CCNK: variants seen among roughly 807,000 people sequenced by gnomAD.
The protein encoded by CCNK is cyclin K.
In CCNK, 9 loss-of-function variants were observed where a neutral mutation model predicts 65.0. That is an observed-to-expected ratio of 0.14 (90% CI 0.08 to 0.24). The LOEUF is 0.24. CCNK is among the 10% of genes least tolerant of loss of function. The pLI is 1.00. For missense variants in CCNK, 474 were observed against 720.0 expected, an observed-to-expected ratio of 0.66 and a Z score of 3.91; for synonymous variants, 279 against 270.8, an observed-to-expected ratio of 1.03 and a Z score of -0.30.
At chr14:99,492,576 C>A in intron 1 of CCNK, 50 bp from the exon 2 acceptor site, 1 of 928,636 alleles carries the variant, frequency 1.1e-6, no homozygotes, top group Non-Finnish European at 1.6e-6. Flanking sequence ...TTCTAGATTG[C>A]TTATAGTATG....
intron 7 of CCNK, 64 bp downstream of exon 7, chr14:99,502,440 C>T: frequency 6.4e-7 from 1 of 1,555,064 alleles, no homozygotes; most frequent in South Asian, 1.2e-5. Flanking sequence ...TCCATGTGTA[C>T]CCTGAGTCCC....
chr14:99,492,917 A>G (rs1317602129), intron 2 of CCNK, 43 bp downstream of exon 2: 1 of 1,448,050 alleles, frequency 6.9e-7, no homozygotes, highest in South Asian at 1.4e-5. Flanking sequence ...TAGGCTCCCC[A>G]CTCACCACCA....
Position 99,500,839 on chromosome 14 carries a change from A to G in CCNK, c.485A>G (p.Gln162Arg). 1 of 1,558,334 alleles carries G rather than the reference A, an allele frequency of 6.4e-7. No individual in the cohort carries two copies. The highest frequency in any genetic ancestry group is 8.7e-7 in the Non-Finnish European group (1 of 1,149,836). ...GATTTACAGGTAGAACATCCATACCAGTTCCTACTAAAATATGCAAAGCAA... is the reference window on the plus strand; with the variant it reads ...GATTTACAGGTAGAACATCCATACCGGTTCCTACTAAAATATGCAAAGCAA... ...KFDLQVEHPY[Q>R]FLLKYAKQLK... The change falls in exon 5 of 11, where the codon CAG (glutamine) becomes CGG (arginine). Residue 162 changes from glutamine to arginine, a missense_variant. Coordinates refer to ENST00000389879, the MANE Select transcript of CCNK (RefSeq NM_001099402.2).
At chr14:99,481,629 T>C (rs1460621484) in intron 1 of CCNK, 150 bp downstream of exon 1, 1 of 385,412 alleles carries the variant, frequency 2.6e-6, no homozygotes, top group Non-Finnish European at 4.6e-6. Context: ...ACATTGAACT[T>C]TGCGGGCGAC....
At position 99,481,743 on chromosome 14, in the gene CCNK, A is replaced by C. The variant is rs188213437; in HGVS notation, c.-53+264A>C. The C allele has an allele frequency of 1.9e-5, 7 of 362,458 alleles. No individual in the cohort carries two copies. In the East Asian group the frequency reaches 2.8e-4, roughly 15 times the overall value. The allele number at this position is 362,458 out of a possible 1,614,324, so 22.5% of individuals were successfully genotyped here. On this transcript the variant is annotated intron_variant, in intron 1 of 10. Coordinates refer to ENST00000389879, the MANE Select transcript of CCNK (RefSeq NM_001099402.2). ...GGTAGCGGCCCTCGCACTGGGGGGC[A>C]GTCAGAGTTGGGGAACTTTCTAGGG... is the stretch of plus-strand genomic sequence containing the variant.
At chr14:99,507,053 TC>T (rs1246904337) in intron 9 of CCNK, 22 bp from the exon 10 acceptor site, 2 of 1,484,140 alleles carry the variant, frequency 1.3e-6, no homozygotes, top group Admixed American at 3.3e-5. Context: ...TGAGTGGTTT[TC>T]TAATCTGCTT....
In CCNK at chr14:99,510,509, C is replaced by T. The variant is rs1484546597; in HGVS notation, c.1470C>T (p.Pro490=). 14 of 766,138 alleles carry T rather than the reference C, an allele frequency of 1.8e-5. No homozygotes were observed. Among genetic ancestry groups the T allele is most frequent in the South Asian group, 1.3e-4 (8 of 61,342 alleles). 47.5% of individuals were successfully genotyped at this position (766,138 alleles called of 1,614,324 possible). A position where few individuals can be genotyped will look rare whatever the true frequency, so the allele number is the denominator to read the frequency against. The change falls in exon 11 of 11, where the codon CCC becomes CCT. Residue 490 remains proline, a synonymous_variant. Coordinates refer to ENST00000389879, the MANE Select transcript of CCNK (RefSeq NM_001099402.2). ...PNPPPPPVPP[P]PASFPPPAIP... ...CGCCCCCGCCACCTGTGCCTCCTCC[C>T]CCAGCCTCCTTCCCCCCACCTGCCA...
At chr14:99,503,539 C>G (rs1896894581) in intron 8 of CCNK, 72 bp from the exon 9 acceptor site, 1 of 1,340,050 alleles carries the variant, frequency 7.5e-7, no homozygotes. Context: ...TCTGGTGGTA[C>G]CTGGATAATC....
intron 10 of CCNK, chr14:99,509,223 A>G (rs1595328909): frequency 6.6e-6 from 1 of 152,340 alleles, no homozygotes; most frequent in South Asian, 2.1e-4. Context: ...GGAACCAGAA[A>G]TGTTGCTCCT....
chr14:99,502,822 A>T lies in CCNK; in HGVS notation c.849A>T (p.Pro283=). The T allele has an allele frequency of 6.2e-7, 1 of 1,613,404 alleles. No individual in the cohort carries two copies. Among genetic ancestry groups the T allele is most frequent in the South Asian group, 1.1e-5 (1 of 91,040 alleles). The change falls in exon 8 of 11, where the codon CCA becomes CCT. Residue 283 remains proline (P), a synonymous_variant. Coordinates refer to ENST00000389879, the MANE Select transcript of CCNK (RefSeq NM_001099402.2). ...LQQPPSLQPT[P]QVPQVQQSQP... ...AGCCCCCATCTCTTCAGCCTACACC[A>T]CAAGTGCCGCAAGTACAGCAGTCAC... is the stretch of plus-strand genomic sequence containing the variant.
intron 4 of CCNK, among the ~76,000 whole-genome samples, chr14:99,496,898 G>A (rs1271754504): frequency 4.1e-5 from 6 of 146,322 alleles, no homozygotes; most frequent in Non-Finnish European, 8.9e-5. Context: ...GGACGAGAAA[G>A]CAAGACTCCA....
chr14:99,496,913 A>G (rs961905921), intron 4 of CCNK, among the ~76,000 whole-genome samples: 15 of 117,114 alleles, frequency 1.3e-4, no homozygotes, highest in African/African-American at 5.0e-4. Context: ...ACTCCACCTC[A>G]AGAAAAAAAA....
At chr14:99,507,040 GTA>G (rs1896992442) in intron 9 of CCNK, 34 bp from the exon 10 acceptor site, 4 of 1,213,968 alleles carry the variant, frequency 3.3e-6, no homozygotes, top group Admixed American at 3.4e-5. Context: ...ATGTGAAGAA[GTA>G]TGAGTGGTTT....
At chr14:99,502,065 T>C in intron 6 of CCNK, 142 bp from the exon 7 acceptor site, 4 of 305,750 alleles carry the variant, frequency 1.3e-5, no homozygotes, top group Non-Finnish European at 1.8e-5. Flanking sequence ...GAGTAAAGAC[T>C]TGAGTTTATT....
Position 99,502,878 on chromosome 14 carries a change from C to G in CCNK, c.905C>G (p.Pro302Arg), listed in dbSNP as rs752858323. Residue 302 changes from proline (P) to arginine (R), a missense_variant, in exon 8 of 11, where the codon CCC becomes CGC. Coordinates refer to ENST00000389879, the MANE Select transcript of CCNK (RefSeq NM_001099402.2). The stretch of plus-strand genomic sequence containing the variant: ...TCTCAAAGCTCCGAACCATCCCAGC[C>G]CCAGCAGAAGGACCCCCAGCAACCA... Reference protein sequence around the residue: ...QPSQSSEPSQPQQKDPQQPAQ... With the variant: ...QPSQSSEPSQRQQKDPQQPAQ... The G allele has an allele frequency of 5.0e-6, 8 of 1,613,344 alleles. No individual in the cohort carries two copies. The highest frequency in any genetic ancestry group is 4.2e-6 in the Non-Finnish European group (5 of 1,179,600).
In CCNK at chr14:99,511,639, G is replaced by C. The variant is rs1897133667; in HGVS notation, c.*857G>C. On this transcript the variant is annotated 3_prime_UTR_variant, in exon 11 of 11. Coordinates refer to ENST00000389879, the MANE Select transcript of CCNK (RefSeq NM_001099402.2). ...GGGAGAGGCCTGGCTGCAGCTCACA[G>C]CAGCCACAGCCAACCCCACTGCCTC... The C allele has an allele frequency of 6.6e-6, 1 of 152,484 alleles. No individual in the cohort carries two copies. Among genetic ancestry groups the C allele is most frequent in the Admixed American group, 6.5e-5 (1 of 15,282 alleles). The allele number at this position is 152,484 out of a possible 1,614,324, so 9.4% of individuals were successfully genotyped here.
chr14:99,482,442 G>A (rs1252807609), intron 1 of CCNK, among the ~76,000 whole-genome samples: 5 of 152,190 alleles, frequency 3.3e-5, no homozygotes, highest in Non-Finnish European at 5.9e-5. Flanking sequence ...TGAAAGAATG[G>A]ATGGATGATG....
At chr14:99,504,537 G>A (rs926170212) in intron 9 of CCNK, 9 of 149,558 alleles carry the variant, frequency 6.0e-5, no homozygotes, top group Non-Finnish European at 1.3e-4. Flanking sequence ...CACAACCTCC[G>A]CCTCCTGGGT....
At chr14:99,481,695 GA>G (rs1334382580) in intron 1 of CCNK, 1 of 386,838 alleles carries the variant, frequency 2.6e-6, no homozygotes, top group Non-Finnish European at 4.6e-6. Context: ...GCGGGGCAGG[GA>G]GGCCGGACTC....
Sources: gnomAD v4.1 joint callset for allele counts (sites outside exome capture counted in the v4.1 genomes callset) on GRCh38, gnomAD v4.1.1 for gene constraint, MANE v1.5 for transcripts, NCBI Gene and HGNC (gene_info 2026-07-23, HGNC 2026-07-21) for gene names.